The following KIAA1217 variants were observed in gnomAD, a reference collection of about 807,000 sequenced individuals.
The protein encoded by KIAA1217 is sickle tail protein homolog.
Under a neutral mutation model 163.9 loss-of-function variants are expected in KIAA1217, and 88 were observed. That is an observed-to-expected ratio of 0.54 (90% CI 0.45 to 0.64). The LOEUF (loss-of-function observed/expected upper bound fraction) is 0.64, where lower values mean the gene tolerates loss of function less well. KIAA1217 is among the 30% of genes least tolerant of loss of function. The probability of loss-of-function intolerance (pLI) is 0.00; values close to 1 mark genes in which losing one functional copy is unlikely to be tolerated. For synonymous variants in KIAA1217, 903 were observed against 923.1 expected, an observed-to-expected ratio of 0.98 and a Z score of 0.39; for missense variants, 2,372 against 2,475.0, an observed-to-expected ratio of 0.96 and a Z score of 0.88.
intron 2 of KIAA1217, among the ~76,000 whole-genome samples, chr10:24,332,620 A>G (rs1477518227): frequency 6.6e-6 from 1 of 152,196 alleles, no homozygotes; most frequent in Admixed American, 6.5e-5. Flanking sequence ...GATTGATTTT[A>G]GGAGAGTTGC....
intron 6 of KIAA1217, among the ~76,000 whole-genome samples, chr10:24,477,483 A>G (rs2064172658): frequency 1.3e-5 from 2 of 152,252 alleles, no homozygotes; most frequent in African/African-American, 4.8e-5. Flanking sequence ...TGCCTTGCAA[A>G]TGAGAACTAT....
At chr10:24,449,414 GCAGTTTCTGCCAGA>G in intron 5 of KIAA1217, 1 of 968,482 alleles carries the variant, frequency 1.0e-6, no homozygotes, top group Non-Finnish European at 1.2e-6. Context: ...GATATGGCTT[GCAGTTTCTGCCAGA>G]CAGAACACAT....
intron 5 of KIAA1217, among the ~76,000 whole-genome samples, chr10:24,450,183 C>G (rs774646172): frequency 4.6e-5 from 7 of 152,130 alleles, no homozygotes; most frequent in Non-Finnish European, 1.0e-4. Flanking sequence ...AGGCATGGTA[C>G]AAGCAAGGAG....
At chr10:24,400,962 T>TATACACAC (rs1554848446) in intron 3 of KIAA1217, among the ~76,000 whole-genome samples, 2 of 117,114 alleles carry the variant, frequency 1.7e-5, no homozygotes, top group African/African-American at 6.6e-5. Flanking sequence ...GCAAGAAACA[T>TATACACAC]ACACACACAC....
At chr10:24,405,460 G>A (rs1434255030) in intron 3 of KIAA1217, among the ~76,000 whole-genome samples, 2 of 152,128 alleles carry the variant, frequency 1.3e-5, no homozygotes, top group African/African-American at 2.4e-5. Context: ...GGGGTTAAAA[G>A]TAAGGCAAAA....
At chr10:24,311,406 GA>G in intron 2 of KIAA1217, among the ~76,000 whole-genome samples, 1 of 152,328 alleles carries the variant, frequency 6.6e-6, no homozygotes, top group South Asian at 2.1e-4. Flanking sequence ...CTTGACACAG[GA>G]GTCAAGTAGT....
At chr10:24,331,571 A>G (rs1242784097) in intron 2 of KIAA1217, among the ~76,000 whole-genome samples, 1 of 152,236 alleles carries the variant, frequency 6.6e-6, no homozygotes, top group African/African-American at 2.4e-5. Flanking sequence ...ATCAGGATGA[A>G]CAAAGCGTGG....
intron 2 of KIAA1217, among the ~76,000 whole-genome samples, chr10:24,292,554 A>G (rs1438686183): frequency 2.0e-5 from 3 of 152,182 alleles, no homozygotes; most frequent in African/African-American, 4.8e-5. Flanking sequence ...TCTTGAGTCA[A>G]CCATCTCCTG....
intron 1 of KIAA1217, among the ~76,000 whole-genome samples, chr10:23,824,052 A>C (rs543362037): frequency 1.4e-4 from 21 of 152,034 alleles, no homozygotes. Context: ...CAGGTGGACA[A>C]CTTGAGCCCA....
In KIAA1217 at chr10:23,908,219, C is replaced by A. The variant is rs137959094; in HGVS notation, c.-320-99006C>A. 4.5e-3 allele frequency among the ~76,000 whole-genome samples: 683 copies of A among 152,158 alleles called. 3 individuals are homozygous for A. Among genetic ancestry groups the A allele is most frequent in the Non-Finnish European group, 7.4e-3 (502 of 68,000 alleles). On this transcript the variant is annotated intron_variant, in intron 1 of 18. Coordinates refer to the KIAA1217 transcript ENST00000376462. The stretch of plus-strand genomic sequence containing the variant: ...TAGAGTGAAGGGAAGGTGGTCAGGA[C>A]TGGGTCATGTAGGGGTATCTGATGC...
At position 24,233,391 on chromosome 10, in the gene KIAA1217, C is replaced by T. The variant is rs947670937; in HGVS notation, c.354+13482C>T. Among the ~76,000 whole-genome samples, 4 of 152,328 alleles carry T rather than the reference C, an allele frequency of 2.6e-5. No homozygotes were observed. In the East Asian group the frequency reaches 7.7e-4, roughly 29 times the overall value. ...GATCCACCAGCCTCCATAACTCAAA[C>T]ACCTCCCATTAGGCCCCTTCAACTT... On this transcript the variant is annotated intron_variant, in intron 2 of 20. Coordinates refer to ENST00000376454, the MANE Select transcript of KIAA1217 (RefSeq NM_019590.5).
chr10:24,097,537 C>T (rs1356529186), intron 2 of KIAA1217, among the ~76,000 whole-genome samples: 1 of 151,900 alleles, frequency 6.6e-6, no homozygotes, highest in African/African-American at 2.4e-5. Context: ...GATGAGACCC[C>T]ATCTCTAGAA....
At chr10:23,719,701 A>T (rs186570622) in intron 1 of KIAA1217, among the ~76,000 whole-genome samples, 1 of 152,202 alleles carries the variant, frequency 6.6e-6, no homozygotes, top group Non-Finnish European at 1.5e-5. Context: ...GGCGGATCAC[A>T]ATGTTAAGAG....
rs368721321 is a variant in KIAA1217, at chr10:24,545,061, C to G, written c.5292C>G (p.Pro1764=). 3 of 1,613,982 alleles carry G rather than the reference C, an allele frequency of 1.9e-6. No homozygotes were observed. The highest frequency in any genetic ancestry group is 1.7e-5 in the Admixed American group (1 of 59,996). Residue 1764 remains proline, a synonymous_variant, in exon 20 of 21, where the codon CCC becomes CCG. Transcript: ENST00000376454. ...ACAGACCCGGAACCCTGGACAAACC[C>G]GGCAAGCAGTCCAAACTGCAGGATC... is the stretch of plus-strand genomic sequence containing the variant. ...AKNRPGTLDK[P]GKQSKLQDPR... is the part of the protein sequence containing the mutation.
chr10:24,247,600 A>G (rs2073968944), intron 2 of KIAA1217, among the ~76,000 whole-genome samples: 1 of 152,234 alleles, frequency 6.6e-6, no homozygotes, highest in Non-Finnish European at 1.5e-5. Context: ...GATCGAAACC[A>G]TCCTGGCTAA....
chr10:24,375,334 G>C (rs2052330535), intron 2 of KIAA1217, among the ~76,000 whole-genome samples: 2 of 152,102 alleles, frequency 1.3e-5, no homozygotes, highest in South Asian at 4.2e-4. Flanking sequence ...GCAGAAAATG[G>C]GAAAAAGGCA....
chr10:24,010,318 T>G (rs150041315), intron 2 of KIAA1217, among the ~76,000 whole-genome samples: 10 of 152,220 alleles, frequency 6.6e-5, no homozygotes, highest in African/African-American at 2.4e-4. Context: ...TGCCACAAGA[T>G]CAAATGATTA....
chr10:24,373,413 C>T (rs1467787428), intron 2 of KIAA1217, among the ~76,000 whole-genome samples: 1 of 152,136 alleles, frequency 6.6e-6, no homozygotes, highest in African/African-American at 2.4e-5. Context: ...ACCTTCTAAC[C>T]CCAATTTAGG....
Position 24,047,354 on chromosome 10 carries a change from T to C in KIAA1217, c.-171+39980T>C, listed in dbSNP as rs1215961883. Among the ~76,000 whole-genome samples the C allele has an allele frequency of 5.3e-5, 8 of 152,190 alleles. No homozygotes were observed. In the East Asian group the frequency reaches 1.5e-3, roughly 29 times the overall value. On this transcript the variant is annotated intron_variant, in intron 2 of 18. Transcript: ENST00000376462. ...TCTCTTCTGACACAGGCTCCCTCTGTGGCCTTGAGCAAGGCAATTATCCTT... is the reference window on the plus strand; with the variant it reads ...TCTCTTCTGACACAGGCTCCCTCTGCGGCCTTGAGCAAGGCAATTATCCTT...
Sources: gnomAD v4.1 joint callset for allele counts (sites outside exome capture counted in the v4.1 genomes callset) on GRCh38, gnomAD v4.1.1 for gene constraint, MANE v1.5 for transcripts, NCBI Gene and HGNC (gene_info 2026-07-23, HGNC 2026-07-21) for gene names.